Variants in HERC4 observed in about 807,000 individuals in gnomAD.
The protein encoded by HERC4 is HECT and RLD domain containing E3 ubiquitin protein ligase 4.
HERC4 carries 28 observed loss-of-function variants against 124.3 expected under a neutral mutation model. The ratio of observed to expected loss-of-function variants is 0.23; its 90% confidence interval spans 0.17 to 0.31. HERC4 has a LOEUF of 0.31. Ranked by LOEUF, HERC4 falls within the 10% of genes least tolerant of loss-of-function variation. The pLI, the probability that HERC4 is intolerant of heterozygous loss-of-function variation, is 1.00. For synonymous variants in HERC4, 407 were observed against 421.5 expected (o/e 0.97, Z 0.42); for missense variants, 713 against 1,229.3 (o/e 0.58, Z 6.28).
intron 15 of HERC4, among the ~76,000 whole-genome samples, chr10:67,975,741 C>T (rs896585526): frequency 6.6e-6 from 1 of 152,228 alleles, no homozygotes; most frequent in Non-Finnish European, 1.5e-5. Context: ...AAAAAGCACA[C>T]ATTTAATAAT....
At chr10:68,006,427 A>G (rs976974668) in intron 9 of HERC4, among the ~76,000 whole-genome samples, 47 of 149,090 alleles carry the variant, frequency 3.2e-4, no homozygotes, top group East Asian at 7.8e-4. Context: ...GCTGGAGTGC[A>G]ATGGTGCGAT....
At chr10:68,010,368 G>T in intron 9 of HERC4, 1 of 948,764 alleles carries the variant, frequency 1.1e-6, no homozygotes, top group East Asian at 2.7e-5. Flanking sequence ...AAAGGACACT[G>T]GTGCCCCTGA....
chr10:67,957,866 G>C (rs2034248571), intron 16 of HERC4, among the ~76,000 whole-genome samples: 1 of 152,118 alleles, frequency 6.6e-6, no homozygotes, highest in African/African-American at 2.4e-5. Flanking sequence ...GGAGTGCAAT[G>C]GTGCGATCTA....
chr10:67,937,571 T>C lies in HERC4; in HGVS notation c.2572-1336A>G, dbSNP rs183362288. ...CAAATAAAAAAGAACCAAAATTTCATAGAAAATCGTTTTTGTTTTTGTTTT... is the reference window on the plus strand; with the variant it reads ...CAAATAAAAAAGAACCAAAATTTCACAGAAAATCGTTTTTGTTTTTGTTTT... On this transcript the variant is annotated intron_variant, in intron 21 of 24. Coordinates refer to ENST00000373700, the MANE Select transcript of HERC4 (RefSeq NM_015601.4). 2.2e-4 allele frequency among the ~76,000 whole-genome samples: 33 copies of C among 152,204 alleles called. No individual in the cohort carries two copies. In the East Asian group the frequency reaches 5.6e-3, roughly 26 times the overall value.
chr10:67,927,974 C>T (rs780250442), intron 23 of HERC4, among the ~76,000 whole-genome samples: 12 of 152,044 alleles, frequency 7.9e-5, no homozygotes, highest in Non-Finnish European at 1.2e-4. Context: ...GATACGTGTG[C>T]AGGAGAGAGG....
At chr10:68,035,903 C>T (rs375598736) in intron 5 of HERC4, among the ~76,000 whole-genome samples, 4 of 152,258 alleles carry the variant, frequency 2.6e-5, no homozygotes, top group South Asian at 4.1e-4. Context: ...TTCTTTATAG[C>T]CCTTATCATA....
intron 22 of HERC4, among the ~76,000 whole-genome samples, chr10:67,933,554 G>C (rs186781180): frequency 6.6e-6 from 1 of 152,184 alleles, no homozygotes; most frequent in East Asian, 1.9e-4. Context: ...TGTCTTCCAA[G>C]TAATAAAGGA....
intron 8 of HERC4, among the ~76,000 whole-genome samples, chr10:68,019,224 G>A (rs751402836): frequency 4.6e-5 from 7 of 151,898 alleles, no homozygotes; most frequent in African/African-American, 9.7e-5. Context: ...TCAAACTCCC[G>A]ACCTCAGGTG....
At chr10:67,960,415 C>T (rs952055358) in intron 16 of HERC4, among the ~76,000 whole-genome samples, 3 of 151,956 alleles carry the variant, frequency 2.0e-5, no homozygotes, top group South Asian at 2.1e-4. Context: ...GACGGAGCTT[C>T]GATCTTGTTG....
intron 11 of HERC4, 113 bp downstream of exon 11, chr10:67,992,086 A>G: frequency 1.1e-6 from 1 of 913,796 alleles, no homozygotes; most frequent in East Asian, 2.7e-5. Context: ...TTGTAGAGAC[A>G]GGGTTTTGCC....
rs977235693 is a variant in HERC4, at chr10:67,976,536, A to T, written c.1807-9734T>A. Among the ~76,000 whole-genome samples, 11 of 152,234 alleles carry T rather than the reference A, an allele frequency of 7.2e-5. No homozygotes were observed. The South Asian group carries it at 2.1e-3, about 29-fold the overall frequency. ...AATGGAAAGCTCCACTGATTGTCCC[A>T]GCTGCATGGACACCAATTTAACAAC... is the stretch of plus-strand genomic sequence containing the variant. On this transcript the variant is annotated intron_variant, in intron 15 of 24. Transcript: ENST00000373700.
At chr10:68,028,208 T>C (rs1453593826) in intron 7 of HERC4, among the ~76,000 whole-genome samples, 26 of 150,782 alleles carry the variant, frequency 1.7e-4, no homozygotes, top group Admixed American at 1.7e-3. Flanking sequence ...AATTTGCAAA[T>C]GAAAGGCAGA....
chr10:67,998,191 C>G (rs1001291155), intron 9 of HERC4, among the ~76,000 whole-genome samples: 31 of 151,652 alleles, frequency 2.0e-4, no homozygotes, highest in Admixed American at 5.3e-4. Flanking sequence ...GCCAGTGTAC[C>G]CGGCTGGAAA....
intron 15 of HERC4, among the ~76,000 whole-genome samples, chr10:67,983,107 G>A (rs183445623): frequency 4.0e-4 from 60 of 150,318 alleles, no homozygotes; most frequent in African/African-American, 1.0e-3. Context: ...AAAAACAAAC[G>A]GGCATATGAA....
At chr10:68,043,348 A>G (rs2039862507) in intron 4 of HERC4, among the ~76,000 whole-genome samples, 2 of 152,204 alleles carry the variant, frequency 1.3e-5, no homozygotes, top group African/African-American at 4.8e-5. Context: ...ATCCTGTTCT[A>G]TAAGAATTAC....
At chr10:67,960,532 T>A (rs764246895) in intron 16 of HERC4, among the ~76,000 whole-genome samples, 2 of 152,138 alleles carry the variant, frequency 1.3e-5, no homozygotes, top group Non-Finnish European at 2.9e-5. Flanking sequence ...ATTATAGGCA[T>A]GTGCCACCAC....
intron 9 of HERC4, chr10:67,994,599 A>AT (rs1442865240): frequency 6.0e-5 from 9 of 150,798 alleles, no homozygotes; most frequent in Non-Finnish European, 8.9e-5. Context: ...CTCCTGATTA[A>AT]TTTTTTATTT....
At chr10:68,030,211 G>A (rs548117796) in intron 7 of HERC4, among the ~76,000 whole-genome samples, 1 of 151,556 alleles carries the variant, frequency 6.6e-6, no homozygotes, top group African/African-American at 2.4e-5. Flanking sequence ...AGGCAGAGGC[G>A]GGCAGATCAC....
intron 24 of HERC4, among the ~76,000 whole-genome samples, chr10:67,923,676 A>G (rs2030513569): frequency 6.6e-6 from 1 of 151,920 alleles, no homozygotes; most frequent in East Asian, 1.9e-4. Flanking sequence ...TCTCTACCTC[A>G]GCTTCTGGAG....
Sources: gnomAD v4.1 joint callset for allele counts (sites outside exome capture counted in the v4.1 genomes callset) on GRCh38, gnomAD v4.1.1 for gene constraint, MANE v1.5 for transcripts, NCBI Gene and HGNC (gene_info 2026-07-23, HGNC 2026-07-21) for gene names.